The following PTPRD variants were observed in gnomAD, a reference collection of about 807,000 sequenced individuals.
PTPRD encodes protein tyrosine phosphatase receptor type D.
PTPRD carries 34 observed loss-of-function variants against 214.5 expected under a neutral mutation model. The observed-to-expected ratio is 0.16, with a 90% confidence interval of 0.12 to 0.21. The LOEUF (loss-of-function observed/expected upper bound fraction) is 0.21, where lower values mean the gene tolerates loss of function less well. Among genes scored for constraint, PTPRD ranks in the 10% least tolerant of loss-of-function variants. The pLI is 1.00. For synonymous variants in PTPRD, 1,128 were observed against 845.7 expected (o/e 1.33, Z -5.79); for missense variants, 2,545 against 2,398.7 (o/e 1.06, Z -1.27).
At chr9:9,074,924 A>G (rs1591114918) in intron 10 of PTPRD, among the ~76,000 whole-genome samples, 2 of 151,690 alleles carry the variant, frequency 1.3e-5, no homozygotes, top group African/African-American at 2.4e-5. Flanking sequence ...AAAAAGTCCT[A>G]TATTATCCTA....
At chr9:9,982,967 A>C (rs7028592) in intron 4 of PTPRD, among the ~76,000 whole-genome samples, 121,856 of 151,860 alleles carry the variant, frequency 0.8, 49,671 homozygotes, top group Middle Eastern at 0.9. Flanking sequence ...ATGTGGCGGA[A>C]ATCTGGAATA....
intron 2 of PTPRD, among the ~76,000 whole-genome samples, chr9:10,517,867 C>A (rs1773024915): frequency 6.6e-6 from 1 of 152,072 alleles, no homozygotes; most frequent in African/African-American, 2.4e-5. Flanking sequence ...TTTAAAGAAT[C>A]TGTATAAGTC....
intron 35 of PTPRD, among the ~76,000 whole-genome samples, chr9:8,429,537 G>C (rs540906536): frequency 1.1e-4 from 16 of 152,258 alleles, no homozygotes; most frequent in African/African-American, 3.6e-4. Context: ...GTGATGGGAA[G>C]ATTTTAACTT....
At chr9:10,327,100 A>G (rs961293678) in intron 3 of PTPRD, among the ~76,000 whole-genome samples, 6 of 150,590 alleles carry the variant, frequency 4.0e-5, no homozygotes, top group African/African-American at 1.5e-4. Flanking sequence ...ATGCACATAT[A>G]TCATGTACAT....
intron 5 of PTPRD, among the ~76,000 whole-genome samples, chr9:9,814,768 C>G (rs1169654349): frequency 6.7e-6 from 1 of 149,468 alleles, no homozygotes; most frequent in Admixed American, 6.7e-5. Context: ...GTATATGAAA[C>G]CATGAACGCT....
intron 6 of PTPRD, among the ~76,000 whole-genome samples, chr9:9,735,116 A>G (rs2098270619): frequency 6.6e-6 from 1 of 152,130 alleles, no homozygotes; most frequent in African/African-American, 2.4e-5. Context: ...TGCAGCCTCT[A>G]TTTTTTAAAG....
In PTPRD at chr9:8,485,909, G is replaced by A. The variant is rs1165957484; in HGVS notation, c.2908C>T (p.Gln970Ter). The A allele has an allele frequency of 6.2e-7, 1 of 1,614,170 alleles. No individual in the cohort carries two copies. The highest frequency in any genetic ancestry group is 1.1e-5 in the South Asian group (1 of 91,076). ...DINIPLLPME[Q>*]LIVPADTTMT... ...GTGGTGTCAGCTGGAACAATAAGCT[G>A]CTCCATCGGGAGAAGGGGGATGTTG... The change falls in exon 28 of 46, where the codon CAG becomes TAG. Residue 970 changes from glutamine (Q) to a stop codon, truncating the protein, a stop_gained. Transcript: ENST00000381196. LOFTEE classifies it high-confidence loss of function.
In PTPRD at chr9:9,539,088, G is replaced by A. The variant is rs956592516; in HGVS notation, c.-237+35644C>T. The stretch of plus-strand genomic sequence containing the variant: ...CAAGATAATTTCACATAAGTACTAT[G>A]AAGAAAACAGTACAGGGTGATGTAA... On this transcript the variant is annotated intron_variant, in intron 8 of 45. Transcript: ENST00000381196. Among the ~76,000 whole-genome samples, 4 of 151,828 alleles carry A rather than the reference G, an allele frequency of 2.6e-5. 1 individual carries two copies. Among genetic ancestry groups the A allele is most frequent in the African/African-American group, 9.7e-5 (4 of 41,378 alleles).
intron 3 of PTPRD, among the ~76,000 whole-genome samples, chr9:10,236,294 G>A (rs2099628577): frequency 6.6e-6 from 1 of 151,958 alleles, no homozygotes; most frequent in South Asian, 2.1e-4. Flanking sequence ...TTCTTGTTCT[G>A]TCTTTTGAGC....
chr9:9,160,127 T>C (rs190482377), intron 10 of PTPRD, among the ~76,000 whole-genome samples: 56 of 152,276 alleles, frequency 3.7e-4, no homozygotes, highest in Non-Finnish European at 5.9e-5. Context: ...AACATTGTTC[T>C]GGGCAATTAT....
intron 3 of PTPRD, among the ~76,000 whole-genome samples, chr9:10,321,862 C>T (rs565909511): frequency 5.9e-5 from 9 of 151,842 alleles, no homozygotes; most frequent in East Asian, 1.9e-4. Context: ...CAGTTTTTTT[C>T]GGAAGAGGAA....
At chr9:9,736,487 C>T (rs1419371397) in intron 6 of PTPRD, among the ~76,000 whole-genome samples, 5 of 152,036 alleles carry the variant, frequency 3.3e-5, no homozygotes, top group Admixed American at 2.0e-4. Flanking sequence ...AATTACCCTA[C>T]CATAAGCATC....
intron 12 of PTPRD, among the ~76,000 whole-genome samples, chr9:8,691,449 G>A (rs1169019888): frequency 6.7e-6 from 1 of 149,804 alleles, no homozygotes; most frequent in Admixed American, 6.6e-5. Context: ...TGTCTGTTTT[G>A]AACAAGGGAT....
chr9:8,870,530 C>G (rs753631650), intron 11 of PTPRD, among the ~76,000 whole-genome samples: 2 of 152,126 alleles, frequency 1.3e-5, no homozygotes, highest in Non-Finnish European at 2.9e-5. Flanking sequence ...TTTGGTTCAC[C>G]ACCCCAACCT....
chr9:8,325,291 G>A (rs1239291072), intron 44 of PTPRD, among the ~76,000 whole-genome samples: 1 of 148,624 alleles, frequency 6.7e-6, no homozygotes, highest in Non-Finnish European at 1.5e-5. Flanking sequence ...AAGGGATCCA[G>A]TCTCAGTTTT....
At chr9:9,025,355 T>G (rs1181124043) in intron 10 of PTPRD, among the ~76,000 whole-genome samples, 1 of 152,018 alleles carries the variant, frequency 6.6e-6, no homozygotes, top group Non-Finnish European at 1.5e-5. Flanking sequence ...TGTCTTAATG[T>G]TGATGTCATT....
At chr9:10,325,197 G>A (rs2096621744) in intron 3 of PTPRD, among the ~76,000 whole-genome samples, 1 of 151,956 alleles carries the variant, frequency 6.6e-6, no homozygotes, top group Admixed American at 6.6e-5. Context: ...TTCTGTTTCA[G>A]TAAGTGTGAG....
intron 5 of PTPRD, among the ~76,000 whole-genome samples, chr9:9,815,520 T>C (rs562591685): frequency 6.6e-6 from 1 of 152,242 alleles, no homozygotes; most frequent in South Asian, 2.1e-4. Flanking sequence ...CAGTGGTCTA[T>C]ATCAAAGTAA....
At chr9:8,346,112 C>T (rs1256530300) in intron 39 of PTPRD, among the ~76,000 whole-genome samples, 2 of 152,068 alleles carry the variant, frequency 1.3e-5, no homozygotes, top group Non-Finnish European at 2.9e-5. Flanking sequence ...CTCTCAGGCT[C>T]TCCTTGACAC....
Sources: gnomAD v4.1 joint callset for allele counts (sites outside exome capture counted in the v4.1 genomes callset) on GRCh38, gnomAD v4.1.1 for gene constraint, MANE v1.5 for transcripts, NCBI Gene and HGNC (gene_info 2026-07-23, HGNC 2026-07-21) for gene names.